PKIB: variants seen among roughly 807,000 people sequenced by gnomAD.
PKIB encodes cAMP-dependent protein kinase inhibitor beta.
PKIB carries 2 observed loss-of-function variants against 4.5 expected under a neutral mutation model. The ratio of observed to expected loss-of-function variants is 0.44; its 90% CI spans 0.18 to 1.39. The LOEUF is 1.39. PKIB is among the 40% of genes most tolerant of loss of function. The pLI is 0.27. For missense variants in PKIB, 94 were observed against 92.6 expected (o/e 1.02, Z -0.06); for synonymous variants, 38 against 36.0 (o/e 1.06, Z -0.20).
chr6:122,652,815 T>G (rs961091425), intron 2 of PKIB: 1 of 152,210 alleles, frequency 6.6e-6, no homozygotes, highest in African/African-American at 2.4e-5. Flanking sequence ...AATGAAATAT[T>G]GCGGCCACAA....
chr6:122,564,333 C>T (rs1773119717), intron 2 of PKIB, among the ~76,000 whole-genome samples: 1 of 152,164 alleles, frequency 6.6e-6, no homozygotes. Flanking sequence ...CGGAGCTGCA[C>T]TCTAGTCCTG....
At chr6:122,486,117 A>G (rs1297577114) in intron 2 of PKIB, among the ~76,000 whole-genome samples, 2 of 152,196 alleles carry the variant, frequency 1.3e-5, no homozygotes, top group Admixed American at 1.3e-4. Context: ...TGTAGCTGAT[A>G]AATTGAATAG....
chr6:122,716,980 T>C (rs1012585504), intron 3 of PKIB, among the ~76,000 whole-genome samples: 1 of 152,164 alleles, frequency 6.6e-6, no homozygotes, highest in Non-Finnish European at 1.5e-5. Context: ...ATGCTTCTGC[T>C]TTCGAGATGC....
At chr6:122,506,923 G>A (rs1051223321) in intron 2 of PKIB, among the ~76,000 whole-genome samples, 1 of 151,478 alleles carries the variant, frequency 6.6e-6, no homozygotes, top group African/African-American at 2.4e-5. Flanking sequence ...GGATGGTCTC[G>A]ATCTCCTGAC....
chr6:122,495,856 C>CAG (rs1776063919), intron 2 of PKIB, among the ~76,000 whole-genome samples: 1 of 152,120 alleles, frequency 6.6e-6, no homozygotes, highest in South Asian at 2.1e-4. Context: ...AGGTGTTTCC[C>CAG]ATGGCTTTCA....
At chr6:122,601,948 T>C (rs1457834857) in intron 3 of PKIB, among the ~76,000 whole-genome samples, 1 of 151,952 alleles carries the variant, frequency 6.6e-6, no homozygotes, top group Non-Finnish European at 1.5e-5. Context: ...TGGAATCAAT[T>C]AGGAAAGCAT....
At chr6:122,652,426 G>C (rs1776598083) in intron 2 of PKIB, among the ~76,000 whole-genome samples, 1 of 151,786 alleles carries the variant, frequency 6.6e-6, no homozygotes, top group Non-Finnish European at 1.5e-5. Flanking sequence ...CTGCAAGCTG[G>C]GAATTCCTTG....
chr6:122,539,870 G>T (rs758080687), intron 2 of PKIB, among the ~76,000 whole-genome samples: 7 of 151,998 alleles, frequency 4.6e-5, no homozygotes, highest in Non-Finnish European at 8.8e-5. Flanking sequence ...CCTGTTATTG[G>T]TCTATTCAGA....
intron 1 of PKIB, among the ~76,000 whole-genome samples, chr6:122,626,600 AG>A (rs773841548): frequency 1.3e-5 from 2 of 152,230 alleles, no homozygotes; most frequent in Non-Finnish European, 2.9e-5. Flanking sequence ...ACAGCCTTCC[AG>A]GAAGAGCAAA....
intron 2 of PKIB, among the ~76,000 whole-genome samples, chr6:122,503,744 A>C (rs1394586215): frequency 3.3e-5 from 5 of 152,126 alleles, no homozygotes; most frequent in Non-Finnish European, 5.9e-5. Context: ...GCAATGGAGG[A>C]TCCTGGCTGG....
chr6:122,539,028 T>G (rs1369455241), intron 2 of PKIB, among the ~76,000 whole-genome samples: 1 of 152,110 alleles, frequency 6.6e-6, no homozygotes, highest in Non-Finnish European at 1.5e-5. Context: ...TGTACATTGA[T>G]TTTGTATCCT....
chr6:122,703,941 T>TATAG lies in PKIB; in HGVS notation c.-8-13845_-8-13844insTAGA, dbSNP rs1314978431. Reference sequence around the variant, plus strand: ...ATGTGTGTATATATATATATATATATAGAGAGAGAGAGAGAGAGAGAGAGA... The same window carrying TATAG: ...ATGTGTGTATATATATATATATATATATAGAGAGAGAGAGAGAGAGAGAGAGAGA... On this transcript the variant is annotated intron_variant, in intron 3 of 4. Transcript: ENST00000368452. Among the ~76,000 whole-genome samples the TATAG allele has an allele frequency of 8.1e-3, 731 of 90,748 alleles. 2 individuals carry two copies. The highest frequency in any genetic ancestry group is 0.012 in the Non-Finnish European group (457 of 38,920). The allele number at this position is 90,748 out of a possible 152,430, so 59.5% of individuals were successfully genotyped here.
intron 2 of PKIB, among the ~76,000 whole-genome samples, chr6:122,648,830 G>C (rs1276475754): frequency 2.0e-5 from 3 of 152,182 alleles, no homozygotes; most frequent in African/African-American, 4.8e-5. Flanking sequence ...TGGGGACTCA[G>C]TGTTGGTCTC....
At chr6:122,722,766 A>G (rs913388323) in intron 4 of PKIB, among the ~76,000 whole-genome samples, 5 of 152,166 alleles carry the variant, frequency 3.3e-5, no homozygotes, top group African/African-American at 1.2e-4. Flanking sequence ...ATTCTCCTCC[A>G]GCTACTGTCC....
At chr6:122,598,513 T>C (rs921479581) in intron 3 of PKIB, among the ~76,000 whole-genome samples, 2 of 152,180 alleles carry the variant, frequency 1.3e-5, no homozygotes, top group Non-Finnish European at 2.9e-5. Flanking sequence ...GTTCCCACCA[T>C]TAGATCTGAC....
At chr6:122,519,272 G>A (rs1776862301) in intron 2 of PKIB, among the ~76,000 whole-genome samples, 1 of 152,144 alleles carries the variant, frequency 6.6e-6, no homozygotes, top group African/African-American at 2.4e-5. Flanking sequence ...ATCTGTCACT[G>A]TCTCCCATCA....
chr6:122,674,668 CA>C (rs1232714623), intron 2 of PKIB, among the ~76,000 whole-genome samples: 1 of 152,122 alleles, frequency 6.6e-6, no homozygotes. Context: ...ATTATATTCT[CA>C]AAGTCTGGTG....
At chr6:122,577,295 A>G (rs903431419) in intron 2 of PKIB, among the ~76,000 whole-genome samples, 1 of 152,220 alleles carries the variant, frequency 6.6e-6, no homozygotes, top group Non-Finnish European at 1.5e-5. Flanking sequence ...TATGTGGAAT[A>G]ATTTTTCCTG....
intron 2 of PKIB, among the ~76,000 whole-genome samples, chr6:122,570,954 C>T (rs556552544): frequency 2.2e-4 from 33 of 151,830 alleles, no homozygotes; most frequent in African/African-American, 7.7e-4. Flanking sequence ...TTAAGCTACT[C>T]TAGGAAATAA....
Sources: gnomAD v4.1 joint callset for allele counts (sites outside exome capture counted in the v4.1 genomes callset) on GRCh38, gnomAD v4.1.1 for gene constraint, MANE v1.5 for transcripts, NCBI Gene and HGNC (gene_info 2026-07-23, HGNC 2026-07-21) for gene names.